The following CCDC171 variants were observed in gnomAD, a reference collection of about 807,000 sequenced individuals.
CCDC171 encodes coiled-coil domain containing 171, also known as coiled-coil domain-containing protein 171.
Under a neutral mutation model 168.2 loss-of-function variants are expected in CCDC171, and 177 were observed. The ratio of observed to expected loss-of-function variants is 1.05; its 90% CI spans 0.93 to 1.19. CCDC171 has a LOEUF of 1.19. Among genes scored for constraint, CCDC171 ranks in the 50% most tolerant of loss-of-function variants. The pLI is 0.00. For missense variants in CCDC171, 1,991 were observed against 1,539.0 expected (o/e 1.29, Z -4.91); for synonymous variants, 687 against 540.8 (o/e 1.27, Z -3.75).
At chr9:15,801,047 T>A (rs1292777538) in intron 21 of CCDC171, among the ~76,000 whole-genome samples, 1 of 152,140 alleles carries the variant, frequency 6.6e-6, no homozygotes, top group Admixed American at 6.6e-5. Context: ...GGTAATAGGA[T>A]TCCTCCAGTT....
At chr9:15,893,183 GA>G (rs1360829485) in intron 24 of CCDC171, among the ~76,000 whole-genome samples, 1 of 152,098 alleles carries the variant, frequency 6.6e-6, no homozygotes, top group African/African-American at 2.4e-5. Flanking sequence ...AAGCAATGGG[GA>G]AAAATTCCCT....
intron 6 of CCDC171, among the ~76,000 whole-genome samples, chr9:16,032,873 G>A (rs1385159154): frequency 6.6e-6 from 1 of 152,166 alleles, no homozygotes; most frequent in Admixed American, 6.5e-5. Flanking sequence ...TGGCAAAACA[G>A]GGACAAATGC....
intron 21 of CCDC171, among the ~76,000 whole-genome samples, chr9:15,808,355 A>G (rs534294973): frequency 6.6e-6 from 1 of 152,242 alleles, no homozygotes; most frequent in African/African-American, 2.4e-5. Flanking sequence ...ATGCCTTCAA[A>G]CATGAGTTTG....
intron 16 of CCDC171, among the ~76,000 whole-genome samples, chr9:15,731,377 A>T (rs1463689000): frequency 6.6e-6 from 1 of 152,138 alleles, no homozygotes; most frequent in Admixed American, 6.6e-5. Context: ...TTTACGCCTC[A>T]TAGGCAACCA....
rs551049027 is a variant in CCDC171 at position 15,800,130 on chromosome 9, C to G, written c.3267+15436C>G. Among the ~76,000 whole-genome samples, 24 of 152,150 alleles carry G rather than the reference C, an allele frequency of 1.6e-4. 1 individual carries two copies. The South Asian group carries it at 2.7e-3, about 17-fold the overall frequency. ...AATTTCCCTTCTTTTGGGTATATACCCAGCAGTGGGATTGCTGGATCATAT... is the reference window on the plus strand; with the variant it reads ...AATTTCCCTTCTTTTGGGTATATACGCAGCAGTGGGATTGCTGGATCATAT... On this transcript the variant is annotated intron_variant, in intron 21 of 25. Coordinates refer to ENST00000380701, the MANE Select transcript of CCDC171 (RefSeq NM_173550.4).
intron 25 of CCDC171, among the ~76,000 whole-genome samples, chr9:15,956,127 A>T (rs538337439): frequency 2.0e-5 from 3 of 152,152 alleles, no homozygotes; most frequent in Non-Finnish European, 4.4e-5. Flanking sequence ...ATTTGCCTTT[A>T]TGTAAAGAAA....
At chr9:16,047,249 C>G (rs1239818919) in intron 1 of CCDC171, among the ~76,000 whole-genome samples, 1 of 152,162 alleles carries the variant, frequency 6.6e-6, no homozygotes, top group Non-Finnish European at 1.5e-5. Context: ...CCAGTAATCT[C>G]CCTCCAAGTG....
chr9:15,766,561 A>T (rs1729662597), intron 18 of CCDC171, among the ~76,000 whole-genome samples: 2 of 152,150 alleles, frequency 1.3e-5, no homozygotes. Context: ...CTGATTGTTA[A>T]GGAAGAGCTT....
chr9:15,857,358 TAAG>T (rs1377320626), intron 23 of CCDC171, among the ~76,000 whole-genome samples: 1 of 152,006 alleles, frequency 6.6e-6, no homozygotes, highest in Non-Finnish European at 1.5e-5. Flanking sequence ...TTTATAGTTG[TAAG>T]TCTTATGTTT....
At chr9:15,958,223 A>G (rs2132589706) in intron 25 of CCDC171, among the ~76,000 whole-genome samples, 1 of 152,240 alleles carries the variant, frequency 6.6e-6, no homozygotes, top group African/African-American at 2.4e-5. Context: ...TACAGAAACA[A>G]GCAAACAAAA....
At chr9:15,643,076 T>A (rs2046768384) in intron 7 of CCDC171, among the ~76,000 whole-genome samples, 1 of 152,140 alleles carries the variant, frequency 6.6e-6, no homozygotes, top group Non-Finnish European at 1.5e-5. Context: ...TTAAAAAAAT[T>A]TATTTCCATA....
intron 1 of CCDC171, among the ~76,000 whole-genome samples, chr9:15,561,310 T>TA (rs1362380974): frequency 6.6e-6 from 1 of 152,180 alleles, no homozygotes; most frequent in Non-Finnish European, 1.5e-5. Flanking sequence ...TTGTATCATA[T>TA]AGTTTGTTCA....
At chr9:15,956,940 A>G (rs1042713848) in intron 25 of CCDC171, among the ~76,000 whole-genome samples, 3 of 152,054 alleles carry the variant, frequency 2.0e-5, no homozygotes, top group Non-Finnish European at 2.9e-5. Context: ...GGTTGTTAAT[A>G]TTAAGTTTTG....
At chr9:15,609,368 C>T (rs2043484679) in intron 6 of CCDC171, among the ~76,000 whole-genome samples, 1 of 152,152 alleles carries the variant, frequency 6.6e-6, no homozygotes, top group Admixed American at 6.5e-5. Context: ...CTTGGCCTCC[C>T]AAAGTGCTGG....
At chr9:16,058,646 G>A (rs1306718176) in intron 1 of CCDC171, among the ~76,000 whole-genome samples, 1 of 152,214 alleles carries the variant, frequency 6.6e-6, no homozygotes, top group Admixed American at 6.5e-5. Context: ...TAATAGACCA[G>A]CAAAGATACC....
intron 25 of CCDC171, among the ~76,000 whole-genome samples, chr9:15,940,260 T>C (rs1827564131): frequency 6.6e-6 from 1 of 151,964 alleles, no homozygotes; most frequent in Admixed American, 6.6e-5. Flanking sequence ...TTCATAGTAA[T>C]ATACTGAAGC....
chr9:15,689,856 A>G (rs1383790764), intron 10 of CCDC171, among the ~76,000 whole-genome samples: 1 of 152,230 alleles, frequency 6.6e-6, no homozygotes, highest in Non-Finnish European at 1.5e-5. Context: ...ATTTACATGT[A>G]TATCAATGGA....
intron 7 of CCDC171, among the ~76,000 whole-genome samples, chr9:15,630,509 C>T: frequency 6.6e-6 from 1 of 152,110 alleles, no homozygotes; most frequent in East Asian, 1.9e-4. Flanking sequence ...AATACAGGAG[C>T]ACGAAGATTC....
intron 9 of CCDC171, among the ~76,000 whole-genome samples, chr9:15,675,918 T>C (rs1161869511): frequency 6.6e-6 from 1 of 152,194 alleles, no homozygotes; most frequent in Non-Finnish European, 1.5e-5. Context: ...AATGTTGTCT[T>C]GTCTTGCTAG....
Sources: gnomAD v4.1 joint callset for allele counts (sites outside exome capture counted in the v4.1 genomes callset) on GRCh38, gnomAD v4.1.1 for gene constraint, MANE v1.5 for transcripts, NCBI Gene and HGNC (gene_info 2026-07-23, HGNC 2026-07-21) for gene names.